Variants in ERAP1 observed in about 807,000 individuals in gnomAD.
ERAP1 encodes endoplasmic reticulum aminopeptidase 1.
ERAP1 carries 86 observed loss-of-function variants against 103.7 expected under a neutral mutation model. The ratio of observed to expected loss-of-function variants is 0.83; its 90% CI spans 0.70 to 0.99. The LOEUF (loss-of-function observed/expected upper bound fraction) is 0.99. Ranked by LOEUF, ERAP1 falls within the 50% of genes least tolerant of loss-of-function variation. The probability of loss-of-function intolerance (pLI) is 0.00; values close to 1 mark genes in which losing one functional copy is unlikely to be tolerated. For missense variants in ERAP1, 1,009 were observed against 1,128.4 expected (o/e 0.89, Z 1.52); for synonymous variants, 398 against 402.4 (o/e 0.99, Z 0.13).
the ERAP1 span, among the ~76,000 whole-genome samples, chr5:96,900,425 G>A: frequency 7.9e-3 from 1,208 of 152,234 alleles, 17 homozygotes; most frequent in African/African-American, 0.027. Flanking sequence ...CCCACTGCTA[G>A]CTAAAAATAT....
chr5:96,861,779 C>A, the ERAP1 span, among the ~76,000 whole-genome samples: 1 of 152,138 alleles, frequency 6.6e-6, no homozygotes, highest in Admixed American at 6.5e-5. Context: ...GCATTTGAAC[C>A]CAGGACATTT....
At chr5:96,843,639 G>A in the ERAP1 span, among the ~76,000 whole-genome samples, 12 of 152,128 alleles carry the variant, frequency 7.9e-5, no homozygotes, top group African/African-American at 2.9e-4. Context: ...CTCAGACCCT[G>A]TTTCCCTGCC....
chr5:96,926,396 A>G, the ERAP1 span, among the ~76,000 whole-genome samples: 6 of 152,296 alleles, frequency 3.9e-5, no homozygotes, highest in East Asian at 1.2e-3. Context: ...GCCTAGCAAA[A>G]CGATCAATTT....
chr5:96,779,406 C>T (rs773216439), intron 18 of ERAP1: 3 of 152,156 alleles, frequency 2.0e-5, no homozygotes, highest in Non-Finnish European at 2.9e-5. Flanking sequence ...CTCTAGACCT[C>T]GCTGGAGTTC....
intron 19 of ERAP1, chr5:96,765,994 G>A (rs1053309266): frequency 1.1e-6 from 1 of 949,036 alleles, no homozygotes; most frequent in Non-Finnish European, 1.7e-6. Flanking sequence ...ATTTGACAAT[G>A]TATTTTCTAA....
chr5:96,778,071 T>C (rs1193587782), intron 18 of ERAP1, among the ~76,000 whole-genome samples: 1 of 152,174 alleles, frequency 6.6e-6, no homozygotes, highest in Non-Finnish European at 1.5e-5. Flanking sequence ...ATAATGCAGG[T>C]AAAGTGCAAA....
the ERAP1 span, among the ~76,000 whole-genome samples, chr5:96,843,174 T>A: frequency 6.6e-6 from 1 of 151,884 alleles, no homozygotes; most frequent in Non-Finnish European, 1.5e-5. Flanking sequence ...AGGGTAGGAG[T>A]AGGCCGGCAC....
At chr5:96,822,021 T>C in the ERAP1 span, among the ~76,000 whole-genome samples, 1 of 152,224 alleles carries the variant, frequency 6.6e-6, no homozygotes, top group Non-Finnish European at 1.5e-5. Flanking sequence ...AGTGTGATTA[T>C]TGTCTTGCTT....
chr5:96,789,993 T>A (rs1776541516), intron 10 of ERAP1, among the ~76,000 whole-genome samples: 1 of 152,214 alleles, frequency 6.6e-6, no homozygotes, highest in Admixed American at 6.5e-5. Flanking sequence ...TCCTTTTGAC[T>A]GCTACAATGC....
chr5:96,916,676 G>A, the ERAP1 span, among the ~76,000 whole-genome samples: 1 of 151,204 alleles, frequency 6.6e-6, no homozygotes, highest in Non-Finnish European at 1.5e-5. Context: ...CACTGTGTTA[G>A]CCAGGGTGGT....
chr5:96,869,285 T>C, the ERAP1 span, among the ~76,000 whole-genome samples: 2 of 152,162 alleles, frequency 1.3e-5, no homozygotes, highest in African/African-American at 4.8e-5. Flanking sequence ...ATAACTTCTC[T>C]AGTTGATAAC....
the ERAP1 span, among the ~76,000 whole-genome samples, chr5:96,926,235 T>C: frequency 6.6e-6 from 1 of 152,128 alleles, no homozygotes; most frequent in African/African-American, 2.4e-5. Context: ...TAATCAAGCA[T>C]TGTTATTATG....
the ERAP1 span, among the ~76,000 whole-genome samples, chr5:96,928,431 C>T: frequency 2.0e-5 from 3 of 152,052 alleles, no homozygotes. Flanking sequence ...TGACTAGTGT[C>T]CTTATTAAAA....
At chr5:96,772,590 A>C (rs1315080425), downstream of ERAP1, 1 of 152,758 alleles carries the variant, frequency 6.5e-6, no homozygotes. Context: ...CTGTAACAAG[A>C]AAATTACATA....
chr5:96,885,193 C>T, the ERAP1 span, among the ~76,000 whole-genome samples: 1 of 152,176 alleles, frequency 6.6e-6, no homozygotes, highest in African/African-American at 2.4e-5. Context: ...AGTCTCACAG[C>T]CTCACGCCTC....
chr5:96,873,581 G>C, the ERAP1 span: 1 of 418,446 alleles, frequency 2.4e-6, no homozygotes, highest in Non-Finnish European at 4.8e-6. Flanking sequence ...TCAATGGAGA[G>C]GAAGGTGCAG....
the ERAP1 span, chr5:96,880,394 AG>A: frequency 1.2e-6 from 1 of 803,852 alleles, no homozygotes; most frequent in Non-Finnish European, 1.9e-6. Flanking sequence ...AAGAAGGAAA[AG>A]ATCTACCATT....
At chr5:96,773,406 T>C (rs906063706), downstream of ERAP1, 3 of 152,556 alleles carry the variant, frequency 2.0e-5, no homozygotes, top group African/African-American at 7.2e-5. Context: ...AATTAATTCT[T>C]AGGGTACTCA....
chr5:96,894,555 C>T, the ERAP1 span, among the ~76,000 whole-genome samples: 1 of 152,010 alleles, frequency 6.6e-6, no homozygotes, highest in Non-Finnish European at 1.5e-5. Context: ...CATAAAAGCA[C>T]ATAAAAGAAT....
Sources: gnomAD v4.1 joint callset for allele counts (sites outside exome capture counted in the v4.1 genomes callset) on GRCh38, gnomAD v4.1.1 for gene constraint, MANE v1.5 for transcripts, NCBI Gene and HGNC (gene_info 2026-07-23, HGNC 2026-07-21) for gene names.